ZFAT: variants seen among roughly 807,000 people sequenced by gnomAD.
ZFAT encodes the protein zinc finger protein ZFAT.
ZFAT carries 64 observed loss-of-function variants against 117.7 expected under a neutral mutation model. That is an observed-to-expected ratio of 0.54 (90% confidence interval 0.44 to 0.67). The LOEUF is 0.67. Ranked by LOEUF, ZFAT falls within the 30% of genes least tolerant of loss-of-function variation. ZFAT has a pLI of 0.00. For synonymous variants in ZFAT, 679 were observed against 615.0 expected (o/e 1.10, Z -1.54); for missense variants, 1,433 against 1,584.5 (o/e 0.90, Z 1.62).
intron 1 of ZFAT, among the ~76,000 whole-genome samples, chr8:134,658,350 A>AAAAAAAAAAC (rs1831748849): frequency 6.6e-6 from 1 of 151,244 alleles, no homozygotes; most frequent in Non-Finnish European, 1.5e-5. Context: ...AAAAAAAAAA[A>AAAAAAAAAAC]TTTGCAACTT....
intron 15 of ZFAT, among the ~76,000 whole-genome samples, chr8:134,507,245 T>C (rs921398501): frequency 3.9e-5 from 6 of 152,212 alleles, no homozygotes; most frequent in African/African-American, 1.4e-4. Context: ...AATACTGCTA[T>C]ATTTCAATTT....
upstream of ZFAT, among the ~76,000 whole-genome samples, chr8:134,717,713 C>A (rs1814228150): frequency 6.6e-6 from 1 of 151,274 alleles, no homozygotes; most frequent in African/African-American, 2.4e-5. Context: ...GTCTCCATCT[C>A]CTGACCTCGT....
In ZFAT at chr8:134,552,891, C is replaced by T. The variant is rs763063916; in HGVS notation, c.2976+12442G>A. On this transcript the variant is annotated intron_variant, in intron 11 of 15. Coordinates refer to ENST00000377838, the MANE Select transcript of ZFAT (RefSeq NM_020863.4). ...TTTTGTGGACTTGCACATTCACACA[C>T]CAAATTTTGACATGCTTTCCATAAA... Among the ~76,000 whole-genome samples, 18 of 152,344 alleles carry T rather than the reference C, an allele frequency of 1.2e-4. 1 individual carries two copies. The highest frequency in any genetic ancestry group is 6.8e-3 in the Middle Eastern group (2 of 294).
At chr8:134,592,247 C>A (rs947246894) in intron 7 of ZFAT, among the ~76,000 whole-genome samples, 1 of 152,216 alleles carries the variant, frequency 6.6e-6, no homozygotes, top group Non-Finnish European at 1.5e-5. Flanking sequence ...GCAGTCTACT[C>A]CTACTCTAAA....
intron 3 of ZFAT, among the ~76,000 whole-genome samples, chr8:134,620,787 C>A (rs1227008496): frequency 6.6e-6 from 1 of 152,142 alleles, no homozygotes; most frequent in Non-Finnish European, 1.5e-5. Flanking sequence ...AGTCCCTGGG[C>A]CTAGGCAGGG....
intron 2 of ZFAT, among the ~76,000 whole-genome samples, chr8:134,650,153 C>T (rs775742558): frequency 3.3e-4 from 49 of 148,882 alleles, no homozygotes; most frequent in Non-Finnish European, 2.1e-4. Context: ...GACAGAGTCT[C>T]GCTCTGTCAC....
chr8:134,664,517 G>A lies in ZFAT; in HGVS notation c.20-6780C>T, dbSNP rs538565566. ...CTGTTCCAAAAGCCCAGAGCAGAGA[G>A]CATGGTGCTCCCTTTTCAACAGAAC... On this transcript the variant is annotated intron_variant, in intron 1 of 15. Transcript: ENST00000377838. Among the ~76,000 whole-genome samples, 3 of 152,358 alleles carry A rather than the reference G, an allele frequency of 2.0e-5. No homozygotes were observed. In the South Asian group the frequency reaches 6.2e-4, roughly 32 times the overall value.
chr8:134,609,861 AC>A (rs1395659222), intron 4 of ZFAT, among the ~76,000 whole-genome samples: 2 of 152,202 alleles, frequency 1.3e-5, no homozygotes, highest in African/African-American at 2.4e-5. Context: ...TTCTAAAAAT[AC>A]AAAAAAAGAT....
rs1253102948 is a variant in ZFAT, at chr8:134,478,163, GTC to G, written c.*317_*318del. 6 of 350,606 alleles carry G rather than the reference GTC, an allele frequency of 1.7e-5. No individual in the cohort carries two copies. Among genetic ancestry groups the G allele is most frequent in the Non-Finnish European group, 3.2e-5 (6 of 188,978 alleles). The allele number at this position is 350,606 out of a possible 1,614,324, so 21.7% of individuals were successfully genotyped here. On this transcript the variant is annotated 3_prime_UTR_variant, in exon 16 of 16. Coordinates refer to ENST00000377838, the MANE Select transcript of ZFAT (RefSeq NM_020863.4). This position sits in a 1 kb window ranked among gnomAD's most constrained non-coding sequence, Gnocchi z 5.2. ...GGGAAGATGCTGAGGGGGACTGGGAGTCTCTGTTTGAATCTTGAAGCAAGGGG... is the reference window on the plus strand; with the variant it reads ...GGGAAGATGCTGAGGGGGACTGGGAGTCTGTTTGAATCTTGAAGCAAGGGG...
At chr8:134,632,381 A>AAC (rs1464367645) in intron 3 of ZFAT, among the ~76,000 whole-genome samples, 1 of 152,244 alleles carries the variant, frequency 6.6e-6, no homozygotes, top group Non-Finnish European at 1.5e-5. Flanking sequence ...ACAGTAGATT[A>AAC]TTACTAGTTA....
At position 134,623,263 on chromosome 8, in the gene ZFAT, C is replaced by T. The variant is rs558691801; in HGVS notation, c.449-12608G>A. On this transcript the variant is annotated intron_variant, in intron 3 of 15. Transcript: ENST00000377838. ...CATCACTCATCATCCTCAACCCATC[C>T]GCTTCCTCCTTCAAGGTAGCCTTCC... Among the ~76,000 whole-genome samples the T allele has an allele frequency of 7.1e-4, 108 of 152,334 alleles. 1 individual carries two copies. The highest frequency in any genetic ancestry group is 2.3e-3 in the African/African-American group (97 of 41,574).
chr8:134,509,512 T>C, intron 15 of ZFAT, 107 bp downstream of exon 15: 7 of 1,519,994 alleles, frequency 4.6e-6, no homozygotes, highest in Non-Finnish European at 6.2e-6. Flanking sequence ...CCAATTTCAT[T>C]CCAAGTTCTA....
At chr8:134,663,551 A>C (rs550618375) in intron 1 of ZFAT, among the ~76,000 whole-genome samples, 11 of 152,274 alleles carry the variant, frequency 7.2e-5, no homozygotes, top group African/African-American at 2.6e-4. Context: ...AGCCTGGCCA[A>C]CATGGTGAAA....
chr8:134,607,800 T>G (rs1828006522), intron 5 of ZFAT, among the ~76,000 whole-genome samples: 2 of 152,252 alleles, frequency 1.3e-5, no homozygotes, highest in Admixed American at 1.3e-4. Context: ...GTTTGTTAAC[T>G]GACTTCAGCA....
intron 12 of ZFAT, among the ~76,000 whole-genome samples, chr8:134,531,500 C>A (rs1182442068): frequency 6.6e-6 from 1 of 152,220 alleles, no homozygotes; most frequent in African/African-American, 2.4e-5. Flanking sequence ...ACTGCATGCA[C>A]GTGTTTTTCC....
chr8:134,766,088 A>G, the ZFAT span: 4 of 152,240 alleles, frequency 2.6e-5, no homozygotes, highest in African/African-American at 9.6e-5. Context: ...CTTGAAATTT[A>G]GTCACATTTT....
intron 12 of ZFAT, among the ~76,000 whole-genome samples, chr8:134,523,411 G>C (rs1820803700): frequency 3.3e-5 from 5 of 152,182 alleles, no homozygotes; most frequent in Admixed American, 3.3e-4. Flanking sequence ...CAGGTAGACA[G>C]GACTGTGCAT....
At chr8:134,787,183 A>G in the ZFAT span, among the ~76,000 whole-genome samples, 1 of 152,158 alleles carries the variant, frequency 6.6e-6, no homozygotes, top group Non-Finnish European at 1.5e-5. Context: ...TTGCCAGGCG[A>G]GTGATAACCT....
the ZFAT span, among the ~76,000 whole-genome samples, chr8:134,756,870 G>A: frequency 3.3e-5 from 5 of 152,234 alleles, no homozygotes; most frequent in African/African-American, 1.2e-4. Flanking sequence ...TGTGGCCACA[G>A]AATCCAGCAG....
Sources: allele counts gnomAD v4.1 joint callset (sites outside exome capture counted in the v4.1 genomes callset), GRCh38; gene constraint gnomAD v4.1.1; non-coding constraint Gnocchi (gnomAD v3.1); transcripts MANE v1.5; gene names NCBI Gene and HGNC (gene_info 2026-07-23, HGNC 2026-07-21).